The following LINGO2 variants were observed in gnomAD, a reference collection of about 807,000 sequenced individuals.
LINGO2 encodes the protein leucine rich repeat and Ig domain containing 2, also known as leucine-rich repeat and immunoglobulin-like domain-containing nogo receptor-interacting protein 2.
A neutral mutation model predicts 30.6 loss-of-function variants in LINGO2; 14 were observed. The ratio of observed to expected loss-of-function variants is 0.46; its 90% CI spans 0.30 to 0.72. LINGO2 has a LOEUF of 0.72. Ranked by LOEUF, LINGO2 falls within the 30% of genes least tolerant of loss-of-function variation. The pLI, the probability that LINGO2 is intolerant of heterozygous loss-of-function variation, is 0.07. For synonymous variants in LINGO2, 317 were observed against 288.5 expected (o/e 1.10, Z -1.00); for missense variants, 729 against 751.7 (o/e 0.97, Z 0.35).
Position 28,148,088 on chromosome 9 carries a change from C to G in LINGO2, c.-86-135683G>C, listed in dbSNP as rs1161458192. ...TGTCCATGAGGCCTTCCCAGCTGGCCGGGCTAACCCCGCGGCTCCTGCACC... is the reference window on the plus strand; with the variant it reads ...TGTCCATGAGGCCTTCCCAGCTGGCGGGGCTAACCCCGCGGCTCCTGCACC... On this transcript the variant is annotated intron_variant, in intron 4 of 5. Transcript: ENST00000379992. The surrounding 1 kb of genome is among the most constrained non-coding windows in gnomAD (Gnocchi z 5.1). The G allele has an allele frequency of 9.1e-7, 1 of 1,103,088 alleles. No homozygotes were observed. The highest frequency in any genetic ancestry group is 4.0e-5 in the Admixed American group (1 of 25,168). 68.3% of individuals were successfully genotyped at this position (1,103,088 alleles called of 1,614,324 possible). A position where few individuals can be genotyped will look rare whatever the true frequency, so the allele number is the denominator to read the frequency against.
intron 4 of LINGO2, among the ~76,000 whole-genome samples, chr9:28,071,102 G>C (rs1248868563): frequency 2.6e-5 from 4 of 152,164 alleles, no homozygotes; most frequent in Non-Finnish European, 5.9e-5. Context: ...AATCATCTAA[G>C]GGTGATGCTG....
At chr9:28,157,667 A>G (rs1190458372) in intron 4 of LINGO2, among the ~76,000 whole-genome samples, 1 of 152,140 alleles carries the variant, frequency 6.6e-6, no homozygotes, top group African/African-American at 2.4e-5. Context: ...ATCCTTATAA[A>G]ACTGACTGAC....
the LINGO2 span, among the ~76,000 whole-genome samples, chr9:28,689,314 T>C: frequency 6.6e-6 from 1 of 151,932 alleles, no homozygotes; most frequent in African/African-American, 2.4e-5. Flanking sequence ...ATCTGACAAA[T>C]AGCCGACTAA....
the LINGO2 span, among the ~76,000 whole-genome samples, chr9:28,906,936 C>A: frequency 6.6e-6 from 1 of 151,878 alleles, no homozygotes. Flanking sequence ...TTTTCTTTTA[C>A]CTAACCCACT....
chr9:28,206,164 C>CAAA (rs34169188), intron 4 of LINGO2, among the ~76,000 whole-genome samples: 5 of 73,524 alleles, frequency 6.8e-5, no homozygotes, highest in Non-Finnish European at 9.9e-5. Flanking sequence ...GACCCTGTTT[C>CAAA]AAAAAAAAAA....
intron 2 of LINGO2, among the ~76,000 whole-genome samples, chr9:28,388,864 A>G (rs1382317259): frequency 1.3e-5 from 2 of 152,006 alleles, no homozygotes; most frequent in East Asian, 1.9e-4. Context: ...AACTGTAAAT[A>G]TTTGACTTGA....
chr9:27,960,795 G>T (rs1819805134), intron 5 of LINGO2, among the ~76,000 whole-genome samples: 1 of 151,894 alleles, frequency 6.6e-6, no homozygotes, highest in Non-Finnish European at 1.5e-5. Context: ...ATTTAGGGAT[G>T]TCATTTTGCT....
intron 1 of LINGO2, among the ~76,000 whole-genome samples, chr9:28,527,738 T>A (rs1821088071): frequency 6.6e-6 from 1 of 152,140 alleles, no homozygotes; most frequent in Admixed American, 6.6e-5. Context: ...TTTATCTGCT[T>A]ATTTGTCACT....
At chr9:29,209,143 A>T in the LINGO2 span, among the ~76,000 whole-genome samples, 1 of 152,112 alleles carries the variant, frequency 6.6e-6, no homozygotes, top group African/African-American at 2.4e-5. Flanking sequence ...CAGAGTATTA[A>T]TCATATGAAA....
At chr9:29,062,150 T>G in the LINGO2 span, among the ~76,000 whole-genome samples, 14 of 152,002 alleles carry the variant, frequency 9.2e-5, no homozygotes, top group Admixed American at 8.5e-4. Context: ...TATTTTAGGA[T>G]GGACAGTATA....
chr9:28,583,676 CA>C, intron 1 of LINGO2, among the ~76,000 whole-genome samples: 1 of 152,002 alleles, frequency 6.6e-6, no homozygotes, highest in East Asian at 1.9e-4. Context: ...AAGGTACAAA[CA>C]ATATTTATTA....
intron 4 of LINGO2, among the ~76,000 whole-genome samples, chr9:28,118,668 C>T (rs781158070): frequency 1.3e-5 from 2 of 152,170 alleles, no homozygotes; most frequent in Admixed American, 6.5e-5. Context: ...TTGCAGCATT[C>T]ATATACAATT....
chr9:28,324,969 G>A (rs149739519), intron 3 of LINGO2, among the ~76,000 whole-genome samples: 1 of 151,834 alleles, frequency 6.6e-6, no homozygotes, highest in African/African-American at 2.4e-5. Flanking sequence ...TCAGTACCAG[G>A]TGTGACTATG....
At chr9:29,185,460 A>T in the LINGO2 span, among the ~76,000 whole-genome samples, 1 of 152,194 alleles carries the variant, frequency 6.6e-6, no homozygotes, top group Non-Finnish European at 1.5e-5. Context: ...CTTTAAACGC[A>T]TTGCTTAAAA....
At chr9:29,044,768 AC>A in the LINGO2 span, among the ~76,000 whole-genome samples, 418 of 151,988 alleles carry the variant, frequency 2.8e-3, 2 homozygotes, top group African/African-American at 8.5e-3. Context: ...ATATCCCAAG[AC>A]CCCCAGTGGA....
chr9:28,406,984 T>C (rs1159172512), intron 2 of LINGO2, among the ~76,000 whole-genome samples: 2 of 152,146 alleles, frequency 1.3e-5, no homozygotes, highest in African/African-American at 4.8e-5. Context: ...CTGTGTTGGG[T>C]GCAGTTACTA....
chr9:28,745,926 T>A, the LINGO2 span, among the ~76,000 whole-genome samples: 19 of 152,174 alleles, frequency 1.2e-4, no homozygotes, highest in East Asian at 3.5e-3. Flanking sequence ...AGAACGTATT[T>A]CAACTTTGCT....
intron 3 of LINGO2, among the ~76,000 whole-genome samples, chr9:28,367,004 G>T (rs1267488991): frequency 1.3e-5 from 2 of 150,836 alleles, no homozygotes; most frequent in Non-Finnish European, 2.9e-5. Flanking sequence ...CTTTCTCATC[G>T]ATTTCCCACA....
intron 5 of LINGO2, among the ~76,000 whole-genome samples, chr9:27,959,589 T>A (rs1268017348): frequency 1.3e-5 from 2 of 152,188 alleles, no homozygotes; most frequent in Non-Finnish European, 2.9e-5. Flanking sequence ...TTAGGTCTTC[T>A]TCTAAATATA....
Sources: allele counts gnomAD v4.1 joint callset (sites outside exome capture counted in the v4.1 genomes callset), GRCh38; gene constraint gnomAD v4.1.1; non-coding constraint Gnocchi (gnomAD v3.1); transcripts MANE v1.5; gene names NCBI Gene and HGNC (gene_info 2026-07-23, HGNC 2026-07-21).